Variants in ABCA1 observed in about 807,000 individuals in gnomAD.
ABCA1 encodes phospholipid-transporting ATPase ABCA1.
A neutral mutation model predicts 262.5 loss-of-function variants in ABCA1; 133 were observed. The ratio of observed to expected loss-of-function variants is 0.51; its 90% confidence interval spans 0.44 to 0.59. The LOEUF (loss-of-function observed/expected upper bound fraction) is 0.59. Among genes scored for constraint, ABCA1 ranks in the 20% least tolerant of loss-of-function variants. ABCA1 has a pLI of 0.00. For synonymous variants in ABCA1, 1,022 were observed against 1,043.5 expected (o/e 0.98, Z 0.40); for missense variants, 2,452 against 2,777.5 (o/e 0.88, Z 2.63).
rs1031710476 is a variant in ABCA1 at position 104,916,978 on chromosome 9, C to T, written c.-93+10957G>A. Among the ~76,000 whole-genome samples, 9 of 152,144 alleles carry T rather than the reference C, an allele frequency of 5.9e-5. 1 individual carries two copies. Among genetic ancestry groups the T allele is most frequent in the Admixed American group, 4.6e-4 (7 of 15,272 alleles). ...GCAGAAGAAACCGTAACACTAGACCCCAACATCAAAAATATGTTGCTATTT... is the reference window on the plus strand; with the variant it reads ...GCAGAAGAAACCGTAACACTAGACCTCAACATCAAAAATATGTTGCTATTT... On this transcript the variant is annotated intron_variant, in intron 1 of 49. Coordinates refer to ENST00000374736, the MANE Select transcript of ABCA1 (RefSeq NM_005502.4).
chr9:104,832,503 G>C, intron 12 of ABCA1, 71 bp downstream of exon 12: 1 of 1,543,244 alleles, frequency 6.5e-7, no homozygotes, highest in East Asian at 2.2e-5. Context: ...CCTCCTGCCT[G>C]AACCTTATTG....
intron 7 of ABCA1, among the ~76,000 whole-genome samples, chr9:104,849,104 C>A (rs763201838): frequency 2.6e-5 from 4 of 152,180 alleles, no homozygotes; most frequent in Non-Finnish European, 5.9e-5. Context: ...AATAGTTTTT[C>A]CAACATCTTT....
intron 2 of ABCA1, among the ~76,000 whole-genome samples, chr9:104,890,534 T>TTG (rs1839628809): frequency 6.6e-6 from 1 of 152,018 alleles, no homozygotes; most frequent in Non-Finnish European, 1.5e-5. Context: ...TGAGCTGAGA[T>TTG]TGTGCCACTG....
chr9:104,799,919 G>T lies in ABCA1; in HGVS notation c.4843C>A (p.Arg1615=). 1.2e-6 allele frequency: 2 copies of T among 1,614,088 alleles called. No homozygotes were observed. Among genetic ancestry groups the T allele is most frequent in the Non-Finnish European group, 1.7e-6 (2 of 1,180,032 alleles). The change falls in exon 36 of 50, where the codon CGG becomes AGG. Residue 1615 remains arginine (R), a synonymous_variant. Transcript: ENST00000374736. ...FLNVINNAIL[R]ANLQKGENPS... ...TTCTCTCCCTTTTGCAGGTTGGCCC[G>T]GAGAATGGCATTGTTGATGACATTC... is the stretch of plus-strand genomic sequence containing the variant.
intron 7 of ABCA1, among the ~76,000 whole-genome samples, chr9:104,846,185 G>A (rs1402174323): frequency 6.6e-6 from 1 of 152,102 alleles, no homozygotes; most frequent in Admixed American, 6.5e-5. Flanking sequence ...TTAGAACAGG[G>A]AAAAGATAAA....
chr9:104,786,013 T>C (rs775376797), intron 48 of ABCA1, among the ~76,000 whole-genome samples: 10 of 152,046 alleles, frequency 6.6e-5, no homozygotes, highest in Non-Finnish European at 1.5e-4. Context: ...TACTGGCACA[T>C]GTAAATTTTT....
Position 104,783,977 on chromosome 9 carries a change from T to C in ABCA1, c.*338A>G, listed in dbSNP as rs1306185398. On this transcript the variant is annotated 3_prime_UTR_variant, in exon 50 of 50. Transcript: ENST00000374736. ...TGATGAATTATTGTTGCAACCCCAATGAGAATACACAGGAACAAAAAAAAA... is the reference window on the plus strand; with the variant it reads ...TGATGAATTATTGTTGCAACCCCAACGAGAATACACAGGAACAAAAAAAAA... 4.7e-6 allele frequency: 1 copy of C among 214,656 alleles called. No individual in the cohort carries two copies. The highest frequency in any genetic ancestry group is 2.5e-5 in the African/African-American group (1 of 40,740). The allele number at this position is 214,656 out of a possible 1,614,324, so 13.3% of individuals were successfully genotyped here.
chr9:104,907,143 C>A (rs527532190), intron 1 of ABCA1, among the ~76,000 whole-genome samples: 2 of 152,214 alleles, frequency 1.3e-5, no homozygotes, highest in East Asian at 3.8e-4. Context: ...CTAAGCAATG[C>A]CCTGGAGATG....
rs111840495 is a variant in ABCA1 at position 104,803,234 on chromosome 9, C to T, written c.4592+50G>A. 2,366 of 1,601,074 alleles carry T rather than the reference C, an allele frequency of 1.5e-3. 44 individuals carry two copies. In the African/African-American group the frequency reaches 0.029, roughly 19 times the overall value. On this transcript the variant is annotated intron_variant, in intron 33 of 49. Transcript: ENST00000374736. ...GGCTTTCTTCAATCCAAGACACCTA[C>T]AACACCATCCTCCCCCTGAGCTAAA... is the stretch of plus-strand genomic sequence containing the variant.
intron 6 of ABCA1, 107 bp from the exon 7 acceptor site, chr9:104,858,805 A>T: frequency 8.9e-7 from 1 of 1,125,462 alleles, no homozygotes. Context: ...AGCTTTGAAG[A>T]TCTTAAAACA....
chr9:104,784,358 G>T lies in ABCA1; in HGVS notation c.6743C>A (p.Thr2248Lys), dbSNP rs772446983. The change falls in exon 50 of 50, where the codon ACA becomes AAA. Residue 2248 changes from threonine (T) to lysine (K), a missense_variant. Transcript: ENST00000374736. Reference sequence around the variant, plus strand: ...CACTTTCTCATCCTGTAGAAAAGATGTGAGAACTGCAACGTCCACTACTGT... The same window carrying T: ...CACTTTCTCATCCTGTAGAAAAGATTTGAGAACTGCAACGTCCACTACTGT... The part of the protein sequence containing the change: ...NQTVVDVAVL[T>K]SFLQDEKVKE... 6.2e-7 allele frequency: 1 copy of T among 1,614,134 alleles called. No homozygotes were observed. Among genetic ancestry groups the T allele is most frequent in the Non-Finnish European group, 8.5e-7 (1 of 1,180,006 alleles).
At chr9:104,821,327 C>G in intron 20 of ABCA1, 48 bp downstream of exon 20, 1 of 1,607,616 alleles carries the variant, frequency 6.2e-7, no homozygotes, top group South Asian at 1.1e-5. Context: ...TGGCATGACA[C>G]ACACACATCC....
intron 8 of ABCA1, among the ~76,000 whole-genome samples, chr9:104,840,805 A>C (rs569192408): frequency 1.3e-5 from 2 of 152,322 alleles, no homozygotes; most frequent in African/African-American, 4.8e-5. Flanking sequence ...TCAAATCTAC[A>C]GCTTCACAAG....
At chr9:104,801,600 G>A (rs1052651785) in intron 34 of ABCA1, among the ~76,000 whole-genome samples, 4 of 151,984 alleles carry the variant, frequency 2.6e-5, no homozygotes, top group Middle Eastern at 3.4e-3. Flanking sequence ...GGAGTGCAAC[G>A]GTGCGATCTT....
intron 9 of ABCA1, among the ~76,000 whole-genome samples, chr9:104,839,402 C>T (rs1448808516): frequency 6.6e-6 from 1 of 152,204 alleles, no homozygotes; most frequent in Non-Finnish European, 1.5e-5. Context: ...CACTTAACCT[C>T]TCTGAGCCTA....
chr9:104,899,250 A>G (rs1158070006), intron 2 of ABCA1, among the ~76,000 whole-genome samples: 2 of 152,224 alleles, frequency 1.3e-5, no homozygotes, highest in African/African-American at 4.8e-5. Context: ...GCCCAGGAGT[A>G]AGGACAGGGA....
chr9:104,844,397 T>C (rs1270445273), intron 8 of ABCA1, among the ~76,000 whole-genome samples: 3 of 151,594 alleles, frequency 2.0e-5, no homozygotes, highest in Admixed American at 6.6e-5. Flanking sequence ...AAGTCAGACC[T>C]CATCAGTCAG....
intron 15 of ABCA1, among the ~76,000 whole-genome samples, chr9:104,828,684 C>G (rs1368299555): frequency 6.6e-6 from 1 of 152,196 alleles, no homozygotes; most frequent in Non-Finnish European, 1.5e-5. Context: ...AAGCATGAAC[C>G]CTGCACTCTC....
At position 104,888,989 on chromosome 9, in the gene ABCA1, T is replaced by C. The variant is rs532959348; in HGVS notation, c.160+113A>G. Reference sequence around the variant, plus strand: ...AGCCTAGGTTTTCTGATCCAAAGCATGTGTGATGTTTCCCAAAGACAGCAT... The same window carrying C: ...AGCCTAGGTTTTCTGATCCAAAGCACGTGTGATGTTTCCCAAAGACAGCAT... On this transcript the variant is annotated intron_variant, in intron 3 of 49. Coordinates refer to ENST00000374736, the MANE Select transcript of ABCA1 (RefSeq NM_005502.4). 5.4e-5 allele frequency: 51 copies of C among 938,282 alleles called. No homozygotes were observed. In the Middle Eastern group the frequency reaches 7.9e-4, roughly 15 times the overall value. The allele number at this position is 938,282 out of a possible 1,614,324, so 58.1% of individuals were successfully genotyped here.
Sources: allele counts gnomAD v4.1 joint callset (sites outside exome capture counted in the v4.1 genomes callset), GRCh38; gene constraint gnomAD v4.1.1; transcripts MANE v1.5; gene names NCBI Gene and HGNC (gene_info 2026-07-23, HGNC 2026-07-21).